LRMDA: variants seen among roughly 807,000 people sequenced by gnomAD.
LRMDA encodes the protein leucine-rich melanocyte differentiation-associated protein.
A neutral mutation model predicts 29.8 loss-of-function variants in LRMDA; 18 were observed. The ratio of observed to expected loss-of-function variants is 0.60; its 90% CI spans 0.42 to 0.90. LRMDA has a LOEUF of 0.90. Ranked by LOEUF, LRMDA falls within the 40% of genes least tolerant of loss-of-function variation. The pLI is 0.00. For synonymous variants in LRMDA, 125 were observed against 109.4 expected, an observed-to-expected ratio of 1.14 and a Z score of -0.89; for missense variants, 273 against 273.9, an observed-to-expected ratio of 1.00 and a Z score of 0.02.
At chr10:75,910,562 C>T (rs1400116855) in intron 2 of LRMDA, among the ~76,000 whole-genome samples, 1 of 152,068 alleles carries the variant, frequency 6.6e-6, no homozygotes, top group Non-Finnish European at 1.5e-5. Flanking sequence ...GGTTGAAGAT[C>T]CTTAGGACTC....
chr10:75,804,152 A>G (rs1269405571), intron 2 of LRMDA, among the ~76,000 whole-genome samples: 1 of 152,122 alleles, frequency 6.6e-6, no homozygotes, highest in Non-Finnish European at 1.5e-5. Flanking sequence ...TCCACCATTC[A>G]TTTGAAAGCT....
chr10:76,217,952 C>T (rs954135205), intron 5 of LRMDA, among the ~76,000 whole-genome samples: 1 of 152,164 alleles, frequency 6.6e-6, no homozygotes, highest in Admixed American at 6.5e-5. Flanking sequence ...CCATAAGAAG[C>T]CCCATCCAGG....
chr10:76,323,159 G>A (rs929501120), intron 5 of LRMDA, among the ~76,000 whole-genome samples: 2 of 152,078 alleles, frequency 1.3e-5, no homozygotes, highest in East Asian at 3.9e-4. Flanking sequence ...CCTGAAAACT[G>A]TTTTCTACCT....
At chr10:76,261,872 A>G (rs956960104) in intron 5 of LRMDA, among the ~76,000 whole-genome samples, 1 of 152,224 alleles carries the variant, frequency 6.6e-6, no homozygotes, top group African/African-American at 2.4e-5. Flanking sequence ...CAAATTTAGA[A>G]TGACATTTGA....
chr10:75,578,503 T>G (rs1274676160), intron 2 of LRMDA, among the ~76,000 whole-genome samples: 2 of 151,916 alleles, frequency 1.3e-5, no homozygotes, highest in Admixed American at 1.3e-4. Context: ...GACAGAAAAT[T>G]AACAAGGATA....
At chr10:75,793,284 G>A (rs1843599179) in intron 2 of LRMDA, among the ~76,000 whole-genome samples, 1 of 152,168 alleles carries the variant, frequency 6.6e-6, no homozygotes, top group Non-Finnish European at 1.5e-5. Flanking sequence ...TATTCACTGT[G>A]AAGGTGATGG....
chr10:75,570,845 C>T (rs900525683), intron 2 of LRMDA, among the ~76,000 whole-genome samples: 5 of 152,000 alleles, frequency 3.3e-5, no homozygotes, highest in African/African-American at 4.8e-5. Context: ...CCTTTTTGGC[C>T]GTAAAATTCC....
intron 2 of LRMDA, among the ~76,000 whole-genome samples, chr10:75,548,958 C>G (rs1285119175): frequency 6.6e-6 from 1 of 152,104 alleles, no homozygotes; most frequent in African/African-American, 2.4e-5. Flanking sequence ...CTACAATTTC[C>G]TATCTTGGAT....
intron 2 of LRMDA, among the ~76,000 whole-genome samples, chr10:75,718,561 G>A (rs1300640769): frequency 6.6e-6 from 1 of 152,180 alleles, no homozygotes; most frequent in Admixed American, 6.5e-5. Context: ...AATTGAGAAG[G>A]ATTTCATAAT....
At chr10:76,064,509 A>G (rs916582046) in intron 5 of LRMDA, among the ~76,000 whole-genome samples, 3 of 152,274 alleles carry the variant, frequency 2.0e-5, no homozygotes, top group East Asian at 3.9e-4. Context: ...TTTTTTGTCT[A>G]TACCTAAAGG....
chr10:76,263,671 C>T (rs940894982), intron 5 of LRMDA, among the ~76,000 whole-genome samples: 4 of 152,142 alleles, frequency 2.6e-5, no homozygotes, highest in Admixed American at 6.6e-5. Context: ...AGAAAGCACT[C>T]ATAGGCTCAA....
At chr10:75,691,028 C>CATAT (rs1554820546) in intron 2 of LRMDA, among the ~76,000 whole-genome samples, 1 of 126,986 alleles carries the variant, frequency 7.9e-6, no homozygotes, top group South Asian at 2.6e-4. Flanking sequence ...CACACACACA[C>CATAT]ATATATATAT....
At chr10:75,445,175 C>G (rs1239826285) in intron 2 of LRMDA, among the ~76,000 whole-genome samples, 2 of 152,168 alleles carry the variant, frequency 1.3e-5, no homozygotes, top group African/African-American at 4.8e-5. Context: ...AACTGCTGGG[C>G]TGAAGTGATC....
At chr10:76,075,081 G>A (rs556480268) in intron 5 of LRMDA, among the ~76,000 whole-genome samples, 12 of 152,290 alleles carry the variant, frequency 7.9e-5, no homozygotes, top group African/African-American at 2.9e-4. Flanking sequence ...CTGCCCATTG[G>A]CCAAAACTCA....
At chr10:76,330,306 T>G (rs529259764) in intron 6 of LRMDA, among the ~76,000 whole-genome samples, 6 of 152,208 alleles carry the variant, frequency 3.9e-5, no homozygotes, top group Non-Finnish European at 4.4e-5. Flanking sequence ...ACTAGTTTTA[T>G]GCTTATGTTG....
intron 5 of LRMDA, among the ~76,000 whole-genome samples, chr10:76,212,517 T>A (rs1048051749): frequency 6.6e-6 from 1 of 151,990 alleles, no homozygotes; most frequent in African/African-American, 2.4e-5. Context: ...CACACCCCAA[T>A]AAAAGTATGA....
intron 6 of LRMDA, among the ~76,000 whole-genome samples, chr10:76,456,863 G>A (rs1842462168): frequency 6.6e-6 from 1 of 151,870 alleles, no homozygotes; most frequent in Non-Finnish European, 1.5e-5. Context: ...TATTTTTTGG[G>A]GTCTGAAATA....
Position 75,782,853 on chromosome 10 carries a change from C to CT in LRMDA, c.132-253150dup, listed in dbSNP as rs934677393. The CT allele has an allele frequency of 3.3e-6, 5 of 1,532,930 alleles. No homozygotes were observed. In the African/African-American group the frequency reaches 6.9e-5, roughly 21 times the overall value. The allele number at this position is 1,532,930 out of a possible 1,614,324, so 95.0% of individuals were successfully genotyped here. The stretch of plus-strand genomic sequence containing the variant: ...GGCGTGCATGTGTTTTAGTTTTATT[C>CT]TTTTTCCCTTGCCCCCAAAGCCGTG... On this transcript the variant is annotated intron_variant, in intron 2 of 6. Coordinates refer to ENST00000611255, the MANE Select transcript of LRMDA (RefSeq NM_001305581.2).
chr10:75,914,274 T>A (rs2132380451), intron 2 of LRMDA, among the ~76,000 whole-genome samples: 1 of 152,344 alleles, frequency 6.6e-6, no homozygotes, highest in South Asian at 2.1e-4. Flanking sequence ...CTTCCAGCTG[T>A]TGAAATGGCT....
Sources: gnomAD v4.1 joint callset for allele counts (sites outside exome capture counted in the v4.1 genomes callset) on GRCh38, gnomAD v4.1.1 for gene constraint, MANE v1.5 for transcripts, NCBI Gene and HGNC (gene_info 2026-07-23, HGNC 2026-07-21) for gene names.